Variants in MBD5 observed in about 807,000 individuals in gnomAD.
The protein encoded by MBD5 is methyl-CpG binding domain protein 5, also known as methyl-CpG-binding domain protein 5.
MBD5 carries 13 observed loss-of-function variants against 117.3 expected under a neutral mutation model. That is an observed-to-expected ratio of 0.11 (90% CI 0.07 to 0.18). The LOEUF (loss-of-function observed/expected upper bound fraction) is 0.18, where lower values mean the gene tolerates loss of function less well. MBD5 is among the 10% of genes least tolerant of loss of function. The pLI is 1.00. For missense variants in MBD5, 1,879 were observed against 2,093.8 expected, an observed-to-expected ratio of 0.90 and a Z score of 2.00; for synonymous variants, 727 against 766.4, an observed-to-expected ratio of 0.95 and a Z score of 0.85.
chr2:148,307,528 A>T (rs535529087), intron 3 of MBD5, among the ~76,000 whole-genome samples: 1 of 152,302 alleles, frequency 6.6e-6, no homozygotes, highest in African/African-American at 2.4e-5. Flanking sequence ...ACATTTTTAA[A>T]TCTTTTATAC....
intron 4 of MBD5, among the ~76,000 whole-genome samples, chr2:148,446,586 A>G (rs1409301916): frequency 2.7e-5 from 3 of 110,686 alleles, no homozygotes; most frequent in African/African-American, 9.2e-5. Flanking sequence ...ATTAATTTAC[A>G]TACCAGATTA....
In MBD5 at chr2:148,167,789, T is replaced by TG. The variant is rs555418170; in HGVS notation, c.-924-10911_-924-10910insG. ...TCATCAACAGGAACATCATTTTTTT[T>TG]TTGAGCCAAATCCCACATCTTTTGC... On this transcript the variant is annotated intron_variant, in intron 1 of 13. Coordinates refer to ENST00000642680, the MANE Select transcript of MBD5 (RefSeq NM_001378120.1). Among the ~76,000 whole-genome samples the TG allele has an allele frequency of 2.6e-3, 393 of 152,178 alleles. 2 individuals carry two copies. Among genetic ancestry groups the TG allele is most frequent in the Non-Finnish European group, 4.0e-3 (275 of 68,018 alleles).
At chr2:148,068,053 G>A (rs1311865292) in intron 1 of MBD5, among the ~76,000 whole-genome samples, 1 of 152,216 alleles carries the variant, frequency 6.6e-6, no homozygotes, top group African/African-American at 2.4e-5. Flanking sequence ...TGACTTATAA[G>A]TGGACATGTC....
intron 4 of MBD5, among the ~76,000 whole-genome samples, chr2:148,358,381 T>A (rs926891529): frequency 1.6e-4 from 25 of 152,132 alleles, no homozygotes; most frequent in African/African-American, 6.0e-4. Context: ...AGGAGGGATA[T>A]AATTAGTATA....
chr2:148,494,751 G>A (rs1681644488), intron 11 of MBD5, among the ~76,000 whole-genome samples: 1 of 152,150 alleles, frequency 6.6e-6, no homozygotes, highest in Non-Finnish European at 1.5e-5. Flanking sequence ...CACGAGGTCA[G>A]GAGATCCAGA....
chr2:148,240,374 A>G (rs1700189857), intron 3 of MBD5, among the ~76,000 whole-genome samples: 1 of 151,888 alleles, frequency 6.6e-6, no homozygotes, highest in South Asian at 2.1e-4. Flanking sequence ...TATGTAACAA[A>G]CCTCCATGTT....
intron 11 of MBD5, among the ~76,000 whole-genome samples, chr2:148,493,702 G>A (rs1224694688): frequency 6.6e-6 from 1 of 152,142 alleles, no homozygotes; most frequent in Non-Finnish European, 1.5e-5. Flanking sequence ...TATGATCTTA[G>A]AAAGGCCTTT....
intron 1 of MBD5, among the ~76,000 whole-genome samples, chr2:148,161,861 T>A (rs764654517): frequency 6.6e-6 from 1 of 152,226 alleles, no homozygotes; most frequent in Non-Finnish European, 1.5e-5. Context: ...TAGCTATTGT[T>A]AGTGTATTTT....
At position 148,150,750 on chromosome 2, in the gene MBD5, G is replaced by T. The variant is rs200706430; in HGVS notation, c.-924-27950G>T. Among the ~76,000 whole-genome samples the T allele has an allele frequency of 1.6e-4, 24 of 152,002 alleles. No homozygotes were observed. In the East Asian group the frequency reaches 4.3e-3, roughly 27 times the overall value. On this transcript the variant is annotated intron_variant, in intron 1 of 13. Coordinates refer to ENST00000642680, the MANE Select transcript of MBD5 (RefSeq NM_001378120.1). ...TGATTTGGCTCTCTGTTTGTCTGTT[G>T]TTGGTGCATAAGAATGCTTGTGATT...
At chr2:148,456,615 G>T (rs1321755843) in intron 4 of MBD5, among the ~76,000 whole-genome samples, 1 of 152,144 alleles carries the variant, frequency 6.6e-6, no homozygotes, top group Non-Finnish European at 1.5e-5. Context: ...AAGATGTTAT[G>T]CCTGTAGATG....
Position 148,386,576 on chromosome 2 carries a change from G to A in MBD5, c.-557+44240G>A, listed in dbSNP as rs890974853. Among the ~76,000 whole-genome samples, 14 of 151,188 alleles carry A rather than the reference G, an allele frequency of 9.3e-5. 1 individual carries two copies. The East Asian group carries it at 9.7e-4, about 10-fold the overall frequency. ...TACTAAAAATACAAAAAAATTAGCC[G>A]GGCGTAGTGGCGGGCGCCTGTAGTC... On this transcript the variant is annotated intron_variant, in intron 4 of 13. Coordinates refer to ENST00000642680, the MANE Select transcript of MBD5 (RefSeq NM_001378120.1).
At chr2:148,218,849 C>T (rs1699617607) in intron 2 of MBD5, among the ~76,000 whole-genome samples, 1 of 152,156 alleles carries the variant, frequency 6.6e-6, no homozygotes, top group Admixed American at 6.6e-5. Context: ...CTGGAAGTTG[C>T]TCTGAGTGAG....
intron 2 of MBD5, among the ~76,000 whole-genome samples, chr2:148,221,261 G>A (rs938536446): frequency 2.6e-5 from 4 of 151,980 alleles, no homozygotes; most frequent in African/African-American, 4.8e-5. Flanking sequence ...TCTTCGATAC[G>A]CTGATTTCTT....
At chr2:148,410,116 A>G (rs1705206837) in intron 4 of MBD5, among the ~76,000 whole-genome samples, 1 of 152,178 alleles carries the variant, frequency 6.6e-6, no homozygotes, top group Non-Finnish European at 1.5e-5. Flanking sequence ...AGATAATGAT[A>G]CATTACCTTC....
At chr2:148,473,884 T>G (rs1426311836) in intron 8 of MBD5, among the ~76,000 whole-genome samples, 1 of 152,228 alleles carries the variant, frequency 6.6e-6, no homozygotes, top group African/African-American at 2.4e-5. Context: ...AGTTTACAGT[T>G]TTCCACTGGC....
intron 1 of MBD5, among the ~76,000 whole-genome samples, chr2:148,140,928 G>C (rs1697297779): frequency 6.6e-6 from 1 of 151,956 alleles, no homozygotes; most frequent in African/African-American, 2.4e-5. Context: ...ACCTCGCCCA[G>C]CTAATTTTTT....
rs1488823624 is a variant in MBD5 at position 148,352,426 on chromosome 2, C to A, written c.-557+10090C>A. On this transcript the variant is annotated intron_variant, in intron 4 of 13. Transcript: ENST00000642680. ...TCTGTCAAATTATAGTACAATATAA[C>A]AAACAAGTTAGTGACATTGATACAG... 2.0e-5 allele frequency among the ~76,000 whole-genome samples: 3 copies of A among 152,090 alleles called. No individual in the cohort carries two copies. In the East Asian group the frequency reaches 5.8e-4, roughly 29 times the overall value.
At chr2:148,512,688 T>C (rs1682253936) in intron 13 of MBD5, among the ~76,000 whole-genome samples, 182 bp from the exon 14 acceptor site, 1 of 152,214 alleles carries the variant, frequency 6.6e-6, no homozygotes. Flanking sequence ...GCATTCTCTG[T>C]AGTGACTGTG....
rs1682273714 is a variant in MBD5, at chr2:148,513,365, A to G, written c.*424A>G. On this transcript the variant is annotated 3_prime_UTR_variant, in exon 14 of 14. Transcript: ENST00000642680. ...TGCACACTTTATCTTTTATTGTACA[A>G]AGAAATAGTGTACAAAATTCTTTGG... 1 of 178,944 alleles carries G rather than the reference A, an allele frequency of 5.6e-6. No homozygotes were observed. The highest frequency in any genetic ancestry group is 1.4e-4 in the East Asian group (1 of 7,118). 11.1% of individuals were successfully genotyped at this position (178,944 alleles called of 1,614,324 possible).
Sources: allele counts gnomAD v4.1 joint callset (sites outside exome capture counted in the v4.1 genomes callset), GRCh38; gene constraint gnomAD v4.1.1; transcripts MANE v1.5; gene names NCBI Gene and HGNC (gene_info 2026-07-23, HGNC 2026-07-21).